Variants in CECR2 observed in about 807,000 individuals in gnomAD.
The protein encoded by CECR2 is chromatin remodeling regulator CECR2.
In CECR2, 30 loss-of-function variants were observed where a neutral mutation model predicts 154.5. The ratio of observed to expected loss-of-function variants is 0.19; its 90% CI spans 0.15 to 0.26. The LOEUF is 0.26. Among genes scored for constraint, CECR2 ranks in the 10% least tolerant of loss-of-function variants. CECR2 has a pLI of 1.00. For synonymous variants in CECR2, 725 were observed against 683.7 expected (o/e 1.06, Z -0.94); for missense variants, 1,743 against 1,829.3 (o/e 0.95, Z 0.86).
chr22:17,370,653 A>G (rs1302950755), intron 1 of CECR2, among the ~76,000 whole-genome samples: 1 of 152,046 alleles, frequency 6.6e-6, no homozygotes, highest in Non-Finnish European at 1.5e-5. Context: ...CGGGCTGGCC[A>G]TTCTGGCCAG....
intron 1 of CECR2, among the ~76,000 whole-genome samples, chr22:17,458,793 T>C (rs1023396300): frequency 6.6e-6 from 1 of 152,142 alleles, no homozygotes; most frequent in Non-Finnish European, 1.5e-5. Context: ...CTGACTTTTT[T>C]TGTTATGAAG....
intron 1 of CECR2, among the ~76,000 whole-genome samples, chr22:17,451,775 T>C (rs1347004140): frequency 6.6e-6 from 1 of 152,214 alleles, no homozygotes; most frequent in African/African-American, 2.4e-5. Context: ...TTAAAATCCA[T>C]TAGGGATATA....
intron 1 of CECR2, among the ~76,000 whole-genome samples, chr22:17,476,625 T>C (rs1193970598): frequency 6.6e-6 from 1 of 152,198 alleles, no homozygotes; most frequent in Non-Finnish European, 1.5e-5. Context: ...ATCTCGTACT[T>C]TTCAGAACCG....
chr22:17,485,176 G>A (rs1468059208), intron 2 of CECR2, among the ~76,000 whole-genome samples: 1 of 152,100 alleles, frequency 6.6e-6, no homozygotes, highest in African/African-American at 2.4e-5. Flanking sequence ...CTAATAGAAA[G>A]TCCTCTCCCA....
Position 17,524,383 on chromosome 22 carries a change from ATTTCTTTT to A in CECR2, c.1108+116_1108+123del, listed in dbSNP as rs1284022093. The stretch of plus-strand genomic sequence containing the variant: ...CCATGCATCCAAGTTGTTTCCGGCA[ATTTCTTTT>A]TTTTTTTTTTTTTTTTTTTGAGACG... On this transcript the variant is annotated intron_variant, in intron 9 of 18. Transcript: ENST00000262608. 927 of 666,438 alleles carry A rather than the reference ATTTCTTTT, an allele frequency of 1.4e-3. 6 individuals are homozygous for A. The African/African-American group carries it at 0.02, about 15-fold the overall frequency. The allele number at this position is 666,438 out of a possible 1,614,324, so 41.3% of individuals were successfully genotyped here.
intron 1 of CECR2, among the ~76,000 whole-genome samples, chr22:17,362,317 T>C (rs577448878): frequency 6.6e-6 from 1 of 152,302 alleles, no homozygotes; most frequent in East Asian, 1.9e-4. Context: ...GTGCTAGGAT[T>C]ACAGGCATGA....
chr22:17,391,989 A>T (rs1313971382), intron 1 of CECR2, among the ~76,000 whole-genome samples: 1 of 152,110 alleles, frequency 6.6e-6, no homozygotes, highest in East Asian at 1.9e-4. Flanking sequence ...TTTAGTAGAG[A>T]CGGGGTTTCA....
rs191900799 is a variant in CECR2 at position 17,413,800 on chromosome 22, C to A, written c.126+43891C>A. ...CACGCCATTCTCCTGCCTCAGCTTCCCGAGTAGCTGGGACTACAAGTGCCT... is the reference window on the plus strand; with the variant it reads ...CACGCCATTCTCCTGCCTCAGCTTCACGAGTAGCTGGGACTACAAGTGCCT... On this transcript the variant is annotated intron_variant, in intron 1 of 18. Transcript: ENST00000262608. Among the ~76,000 whole-genome samples, 331 of 150,662 alleles carry A rather than the reference C, an allele frequency of 2.2e-3. 2 individuals are homozygous for A. Among genetic ancestry groups the A allele is most frequent in the Non-Finnish European group, 3.6e-3 (241 of 67,818 alleles).
chr22:17,478,345 G>A (rs903370264), intron 2 of CECR2, among the ~76,000 whole-genome samples: 13 of 146,328 alleles, frequency 8.9e-5, no homozygotes, highest in African/African-American at 1.7e-4. Flanking sequence ...AGGTAAAATG[G>A]TATCAAATTT....
At position 17,414,252 on chromosome 22, in the gene CECR2, G is replaced by T. The variant is rs2905578; in HGVS notation, c.126+44343G>T. Among the ~76,000 whole-genome samples the T allele has an allele frequency of 3.6e-3, 542 of 151,432 alleles. 3 individuals carry two copies. The highest frequency in any genetic ancestry group is 0.011 in the Admixed American group (173 of 15,222). ...CTCCCAAAGTGCTGGGATTACAGGC[G>T]TGAGCCACTGCGCCCGGCGGAAGGA... is the stretch of plus-strand genomic sequence containing the variant. On this transcript the variant is annotated intron_variant, in intron 1 of 18. Transcript: ENST00000262608.
chr22:17,520,296 T>G (rs1237199751), intron 8 of CECR2, among the ~76,000 whole-genome samples: 2 of 152,220 alleles, frequency 1.3e-5, no homozygotes, highest in Admixed American at 1.3e-4. Context: ...ACTTTCATGT[T>G]TGATATATAG....
At chr22:17,398,680 G>A (rs1408821234) in intron 1 of CECR2, among the ~76,000 whole-genome samples, 2 of 152,100 alleles carry the variant, frequency 1.3e-5, no homozygotes. Context: ...TACTGCTTGT[G>A]GAGTTAACGT....
rs974199649 is a variant in CECR2, at chr22:17,555,932, A to C, written c.*3092A>C. 6 of 152,186 alleles carry C rather than the reference A, an allele frequency of 3.9e-5. No individual in the cohort carries two copies. The highest frequency in any genetic ancestry group is 1.4e-4 in the African/African-American group (6 of 41,428). The allele number at this position is 152,186 out of a possible 1,614,324, so 9.4% of individuals were successfully genotyped here. A position where few individuals can be genotyped will look rare whatever the true frequency, so the allele number is the denominator to read the frequency against. On this transcript the variant is annotated 3_prime_UTR_variant, in exon 19 of 19. Coordinates refer to ENST00000262608, the MANE Select transcript of CECR2 (RefSeq NM_001290047.2). ...AATAAGTTAGAAACTTGTGTCCCTAAGGCCCAAGAGAAAAGATGAGCTTCT... is the reference window on the plus strand; with the variant it reads ...AATAAGTTAGAAACTTGTGTCCCTACGGCCCAAGAGAAAAGATGAGCTTCT...
chr22:17,453,853 A>G (rs991594588), intron 1 of CECR2, among the ~76,000 whole-genome samples: 1 of 152,220 alleles, frequency 6.6e-6, no homozygotes, highest in African/African-American at 2.4e-5. Context: ...AAAGTATAAA[A>G]ATGGCCTTGC....
intron 1 of CECR2, among the ~76,000 whole-genome samples, chr22:17,441,520 G>T (rs1250914222): frequency 6.6e-6 from 1 of 152,138 alleles, no homozygotes; most frequent in Non-Finnish European, 1.5e-5. Flanking sequence ...ATTCTAACGT[G>T]ATGAAAGCTT....
intron 9 of CECR2, among the ~76,000 whole-genome samples, chr22:17,534,111 T>C (rs1464781285): frequency 6.6e-6 from 1 of 152,106 alleles, no homozygotes; most frequent in African/African-American, 2.4e-5. Flanking sequence ...GAGAATGGTA[T>C]TGGCATAGAG....
Position 17,538,565 on chromosome 22 carries a change from C to T in CECR2, c.1276+8C>T. On this transcript the variant is annotated splice_region_variant and intron_variant, in intron 11 of 18. Coordinates refer to ENST00000262608, the MANE Select transcript of CECR2 (RefSeq NM_001290047.2). ...TCACTGCTATGTATAAAGGTTAGTT[C>T]CCATTCTCCACTGTTCTGTTTGTGA... is the stretch of plus-strand genomic sequence containing the variant. 6.2e-7 allele frequency: 1 copy of T among 1,613,658 alleles called. No individual in the cohort carries two copies. The highest frequency in any genetic ancestry group is 8.5e-7 in the Non-Finnish European group (1 of 1,179,606).
intron 1 of CECR2, among the ~76,000 whole-genome samples, chr22:17,452,153 A>C (rs1488862981): frequency 6.6e-6 from 1 of 152,096 alleles, no homozygotes; most frequent in Non-Finnish European, 1.5e-5. Flanking sequence ...GCTCACTGCA[A>C]CCTCCACCTC....
rs368878042 is a variant in CECR2, at chr22:17,541,970, A to G, written c.2013+3A>G. 1.2e-6 allele frequency: 2 copies of G among 1,611,688 alleles called. No individual in the cohort carries two copies. Among genetic ancestry groups the G allele is most frequent in the African/African-American group, 1.3e-5 (1 of 74,826 alleles). On this transcript the variant is annotated splice_donor_region_variant and intron_variant, in intron 15 of 18. Transcript: ENST00000262608. ...AGCGTCAGCCTTTCACCATGCAGGT[A>G]AGCAGCCTACTCTGGAGGTGCAGGT...
Sources: gnomAD v4.1 joint callset for allele counts (sites outside exome capture counted in the v4.1 genomes callset) on GRCh38, gnomAD v4.1.1 for gene constraint, MANE v1.5 for transcripts, NCBI Gene and HGNC (gene_info 2026-07-23, HGNC 2026-07-21) for gene names.